The following LOC400499 variants were observed in gnomAD, a reference collection of about 807,000 sequenced individuals.
At chr16:11,411,246 C>A in the LOC400499 span, 1 of 399,384 alleles carries the variant, frequency 2.5e-6, no homozygotes, top group Admixed American at 4.4e-5. Context: ...GCACAGTTAC[C>A]TTAGCTGAGG....
chr16:11,470,416 C>T, the LOC400499 span, among the ~76,000 whole-genome samples: 1 of 152,208 alleles, frequency 6.6e-6, no homozygotes, highest in Admixed American at 6.5e-5. Flanking sequence ...TGCAACTTCA[C>T]CTGAAATTGC....
At chr16:11,398,737 G>A in the LOC400499 span, among the ~76,000 whole-genome samples, 4 of 151,292 alleles carry the variant, frequency 2.6e-5, no homozygotes, top group African/African-American at 9.7e-5. Context: ...TAGACTCACT[G>A]CAACCTCTAC....
At chr16:11,499,780 G>A in the LOC400499 span, among the ~76,000 whole-genome samples, 1 of 152,124 alleles carries the variant, frequency 6.6e-6, no homozygotes, top group Non-Finnish European at 1.5e-5. Context: ...ATCTGACTTG[G>A]CACTCACTAT....
chr16:11,474,236 C>CTACA, the LOC400499 span, among the ~76,000 whole-genome samples: 2 of 152,172 alleles, frequency 1.3e-5, no homozygotes, highest in African/African-American at 4.8e-5. Context: ...GACAAAGTGG[C>CTACA]TACAGGTGAT....
the LOC400499 span, among the ~76,000 whole-genome samples, chr16:11,507,431 T>A: frequency 6.6e-6 from 1 of 152,180 alleles, no homozygotes; most frequent in African/African-American, 2.4e-5. Context: ...AAACCCTGCT[T>A]TGGGCCATGC....
chr16:11,387,333 C>T, the LOC400499 span: 32 of 1,230,430 alleles, frequency 2.6e-5, no homozygotes, highest in African/African-American at 4.7e-5. Context: ...TGTGCCTGCC[C>T]GAGCCTTGCT....
At chr16:11,461,988 G>T in the LOC400499 span, 2 of 861,306 alleles carry the variant, frequency 2.3e-6, no homozygotes, top group Non-Finnish European at 3.3e-6. Context: ...ATGGAGCTTG[G>T]ATCTGCCCTT....
At chr16:11,501,842 G>A in the LOC400499 span, among the ~76,000 whole-genome samples, 2 of 152,164 alleles carry the variant, frequency 1.3e-5, no homozygotes. Context: ...AGGCCCTTCA[G>A]CTTCTGGTCT....
chr16:11,395,102 C>T, the LOC400499 span, among the ~76,000 whole-genome samples: 9 of 152,292 alleles, frequency 5.9e-5, no homozygotes, highest in South Asian at 8.3e-4. Context: ...GGGCAGGGGA[C>T]GGTCTGCAGA....
At chr16:11,389,357 A>G in the LOC400499 span, among the ~76,000 whole-genome samples, 4 of 152,202 alleles carry the variant, frequency 2.6e-5, no homozygotes, top group African/African-American at 9.7e-5. Flanking sequence ...ACGGCCTGCA[A>G]GTAAGAAGGG....
the LOC400499 span, chr16:11,471,439 T>G: frequency 2.6e-6 from 1 of 384,834 alleles, no homozygotes; most frequent in Non-Finnish European, 4.6e-6. Flanking sequence ...AAGTGACCCC[T>G]GAACTGAGAC....
chr16:11,478,687 T>A, the LOC400499 span: 3 of 398,968 alleles, frequency 7.5e-6, no homozygotes, highest in Non-Finnish European at 1.3e-5. Context: ...CCGGGTCACC[T>A]GGGGGAGAGC....
the LOC400499 span, among the ~76,000 whole-genome samples, chr16:11,373,183 A>AT: frequency 6.6e-6 from 1 of 152,220 alleles, no homozygotes; most frequent in Non-Finnish European, 1.5e-5. Context: ...TCTTCAGTAC[A>AT]GCATGCAGTG....
chr16:11,411,249 AGCTGAG>A, the LOC400499 span: 1 of 399,356 alleles, frequency 2.5e-6, no homozygotes, highest in East Asian at 3.6e-5. Context: ...CAGTTACCTT[AGCTGAG>A]GCTGAGGCTG....
chr16:11,392,463 G>A, the LOC400499 span: 1 of 399,004 alleles, frequency 2.5e-6, no homozygotes, highest in Non-Finnish European at 4.4e-6. Context: ...GTCCGCCCAT[G>A]GGCACATGCC....
At chr16:11,491,033 T>C in the LOC400499 span, among the ~76,000 whole-genome samples, 8 of 152,226 alleles carry the variant, frequency 5.3e-5, no homozygotes, top group African/African-American at 1.9e-4. Context: ...TAAATGTCTT[T>C]GTGTATTAAC....
the LOC400499 span, among the ~76,000 whole-genome samples, chr16:11,423,889 C>T: frequency 6.6e-6 from 1 of 152,242 alleles, no homozygotes; most frequent in South Asian, 2.1e-4. Flanking sequence ...GCAGGGTACC[C>T]TGCAGCCCCG....
At chr16:11,440,923 A>G in the LOC400499 span, 1 of 398,964 alleles carries the variant, frequency 2.5e-6, no homozygotes, top group South Asian at 1.3e-4. Flanking sequence ...TGTCTGCCCA[A>G]TCTGGGGACC....
chr16:11,417,608 C>CG, the LOC400499 span: 45,412 of 398,868 alleles, frequency 0.11, 3,071 homozygotes, highest in African/African-American at 0.24. Flanking sequence ...TCCCCAGTCC[C>CG]GGGCTGTGCG....
Sources: allele counts gnomAD v4.1 joint callset (sites outside exome capture counted in the v4.1 genomes callset), GRCh38; gene constraint gnomAD v4.1.1; transcripts MANE v1.5.